The following SV2C variants were observed in gnomAD, a reference collection of about 807,000 sequenced individuals.
SV2C encodes the protein synaptic vesicle glycoprotein 2C.
Under a neutral mutation model 79.7 loss-of-function variants are expected in SV2C, and 49 were observed. The observed-to-expected ratio is 0.61, with a 90% CI of 0.49 to 0.78. The LOEUF (loss-of-function observed/expected upper bound fraction) is 0.78. Ranked by LOEUF, SV2C falls within the 30% of genes least tolerant of loss-of-function variation. The probability of loss-of-function intolerance (pLI) is 0.00; values close to 1 mark genes in which losing one functional copy is unlikely to be tolerated. For synonymous variants in SV2C, 334 were observed against 333.2 expected, an observed-to-expected ratio of 1.00 and a Z score of -0.03; for missense variants, 833 against 912.9, an observed-to-expected ratio of 0.91 and a Z score of 1.13.
At chr5:76,109,840 C>T (rs1201257520) in intron 1 of SV2C, among the ~76,000 whole-genome samples, 3 of 152,094 alleles carry the variant, frequency 2.0e-5, no homozygotes, top group Non-Finnish European at 2.9e-5. Context: ...ATAGGTGAGA[C>T]AATCTATTTC....
chr5:75,974,587 G>A, the SV2C span, among the ~76,000 whole-genome samples: 1 of 151,588 alleles, frequency 6.6e-6, no homozygotes, highest in African/African-American at 2.4e-5. Flanking sequence ...TTGATTTGTA[G>A]TAATATGAAC....
chr5:76,194,915 G>A lies in SV2C; in HGVS notation c.581-4G>A. The A allele has an allele frequency of 6.8e-6, 11 of 1,613,454 alleles. No homozygotes were observed. Among genetic ancestry groups the A allele is most frequent in the Non-Finnish European group, 9.3e-6 (11 of 1,179,704 alleles). On this transcript the variant is annotated splice_polypyrimidine_tract_variant and splice_region_variant and intron_variant, in intron 2 of 12. Coordinates refer to ENST00000502798, the MANE Select transcript of SV2C (RefSeq NM_014979.4). ...TGTGTTTCTTTGTTTTCTGTGTGTT[G>A]CAGGCAGCATAGTGTACCTCGGGAT...
chr5:75,999,371 G>A, the SV2C span, among the ~76,000 whole-genome samples: 1 of 91,810 alleles, frequency 1.1e-5, no homozygotes, highest in African/African-American at 4.6e-5. Flanking sequence ...GGGAGGGAGG[G>A]AGAAAGAGAG....
the SV2C span, among the ~76,000 whole-genome samples, chr5:76,047,766 CTT>C: frequency 4.6e-5 from 6 of 129,234 alleles, no homozygotes; most frequent in Admixed American, 8.0e-5. Context: ...TTTTTCTTTT[CTT>C]TTTTTTTTTT....
At chr5:76,335,453 T>TGG (rs2112580782), downstream of SV2C, among the ~76,000 whole-genome samples, 1 of 141,594 alleles carries the variant, frequency 7.1e-6, no homozygotes, top group East Asian at 2.2e-4. Flanking sequence ...TGATCATTCT[T>TGG]GGGTGTTTCT....
intron 1 of SV2C, among the ~76,000 whole-genome samples, chr5:76,127,966 A>C (rs1262943360): frequency 6.6e-6 from 1 of 152,168 alleles, no homozygotes; most frequent in East Asian, 1.9e-4. Flanking sequence ...AATGATTTGC[A>C]GCTGACTCCT....
the SV2C span, among the ~76,000 whole-genome samples, chr5:75,933,766 G>C: frequency 1.3e-5 from 2 of 152,266 alleles, no homozygotes; most frequent in East Asian, 3.9e-4. Flanking sequence ...ATAGCAGCCT[G>C]CTCCAGTTTT....
the SV2C span, among the ~76,000 whole-genome samples, chr5:75,904,400 CAGAGAGAGAGAG>C: frequency 8.6e-5 from 12 of 138,762 alleles, no homozygotes; most frequent in African/African-American, 3.3e-4. Flanking sequence ...AAAACAAACC[CAGAGAGAGAGAG>C]AGAGAGAGAG....
chr5:76,286,527 GA>G (rs1329161519), intron 6 of SV2C, among the ~76,000 whole-genome samples: 1 of 151,012 alleles, frequency 6.6e-6, no homozygotes, highest in Non-Finnish European at 1.5e-5. Flanking sequence ...ATTATTTATT[GA>G]AAACAAAAAA....
At chr5:76,113,921 T>TACACAC (rs144138185) in intron 1 of SV2C, among the ~76,000 whole-genome samples, 1 of 150,404 alleles carries the variant, frequency 6.6e-6, no homozygotes, top group African/African-American at 2.4e-5. Context: ...CCCACAATCA[T>TACACAC]ACACACACAC....
the SV2C span, among the ~76,000 whole-genome samples, chr5:76,012,731 G>C: frequency 2.6e-5 from 4 of 152,226 alleles, no homozygotes; most frequent in South Asian, 6.2e-4. Context: ...GGTTTTTACT[G>C]TTTTAGTTCT....
In SV2C at chr5:76,285,861, G is replaced by C. The variant is rs537624992; in HGVS notation, c.1128G>C (p.Lys376Asn). The C allele has an allele frequency of 1.2e-6, 2 of 1,613,852 alleles. No individual in the cohort carries two copies. Residue 376 changes from lysine (K) to asparagine (N), a missense_variant, in exon 6 of 13, where the codon AAG (lysine) becomes AAC (asparagine). Lys to Asn is a moderately conservative substitution (Grantham distance 94). Transcript: ENST00000502798. ...TNMRARGQPE[K>N]VFTVNKIKTP... ...TGAGAGCCCGGGGTCAGCCTGAGAAGGTCTTCACGGTGAGTCTTCTCCCCA... is the reference window on the plus strand; with the variant it reads ...TGAGAGCCCGGGGTCAGCCTGAGAACGTCTTCACGGTGAGTCTTCTCCCCA...
At chr5:76,168,931 C>T (rs1028729038) in intron 2 of SV2C, among the ~76,000 whole-genome samples, 2 of 152,184 alleles carry the variant, frequency 1.3e-5, no homozygotes, top group Non-Finnish European at 2.9e-5. Context: ...TCCTGGGGAT[C>T]TCATTTTGTG....
chr5:75,911,690 T>G, the SV2C span: 1 of 668,168 alleles, frequency 1.5e-6, no homozygotes, highest in Non-Finnish European at 2.9e-6. Flanking sequence ...ACATCTCAGA[T>G]TGCTTCAGAG....
the SV2C span, among the ~76,000 whole-genome samples, chr5:75,988,895 G>A: frequency 6.6e-6 from 1 of 151,732 alleles, no homozygotes. Flanking sequence ...GAGACCAGAC[G>A]GTACCAGATG....
At chr5:76,311,460 A>G (rs34132911) in intron 12 of SV2C, 6,761 of 152,308 alleles carry the variant, frequency 0.044, 180 homozygotes, top group Middle Eastern at 0.085. Flanking sequence ...CTTGATTGTG[A>G]GGCTGGAAAG....
At chr5:75,848,940 T>C in the SV2C span, among the ~76,000 whole-genome samples, 3 of 152,366 alleles carry the variant, frequency 2.0e-5, no homozygotes, top group South Asian at 6.2e-4. Context: ...TATGGTTGTT[T>C]TGAGGTTTTG....
At chr5:75,961,519 A>G in the SV2C span, among the ~76,000 whole-genome samples, 2 of 151,960 alleles carry the variant, frequency 1.3e-5, no homozygotes, top group Admixed American at 6.6e-5. Context: ...AATCATAATT[A>G]TTTTGTTTTC....
the SV2C span, among the ~76,000 whole-genome samples, chr5:75,995,922 G>GA: frequency 6.6e-6 from 1 of 152,004 alleles, no homozygotes; most frequent in Non-Finnish European, 1.5e-5. Context: ...CTAGATGACA[G>GA]AAAAAAATAC....
Sources: allele counts gnomAD v4.1 joint callset (sites outside exome capture counted in the v4.1 genomes callset), GRCh38; gene constraint gnomAD v4.1.1; transcripts MANE v1.5; gene names NCBI Gene and HGNC (gene_info 2026-07-23, HGNC 2026-07-21).